Variants in AGBL1 observed in about 807,000 individuals in gnomAD.
AGBL1 encodes the protein AGBL carboxypeptidase 1.
In AGBL1, 130 loss-of-function variants were observed where a neutral mutation model predicts 118.9. That is an observed-to-expected ratio of 1.09 (90% CI 0.95 to 1.26). The LOEUF (loss-of-function observed/expected upper bound fraction) is 1.26. Among genes scored for constraint, AGBL1 ranks in the 50% most tolerant of loss-of-function variants. The probability of loss-of-function intolerance (pLI) is 0.00; values close to 1 mark genes in which losing one functional copy is unlikely to be tolerated. For missense variants in AGBL1, 1,584 were observed against 1,298.1 expected (o/e 1.22, Z -3.38); for synonymous variants, 555 against 478.9 (o/e 1.16, Z -2.08).
exon 24 of AGBL1, chr15:86,988,054 T>C: frequency 6.2e-7 from 1 of 1,613,426 alleles, no homozygotes; most frequent in Non-Finnish European, 8.5e-7. Context: ...CATTACAAAC[T>C]TTTTCAAGAT....
At chr15:87,000,405 T>C (rs1478973130) in intron 24 of AGBL1, among the ~76,000 whole-genome samples, 1 of 132,274 alleles carries the variant, frequency 7.6e-6, no homozygotes, top group Non-Finnish European at 1.6e-5. Flanking sequence ...GATTTTTGTA[T>C]AAGGTGTAAG....
intron 22 of AGBL1, among the ~76,000 whole-genome samples, chr15:86,860,713 AGTGTGTGTGTGT>A (rs3030214): frequency 2.0e-5 from 3 of 148,820 alleles, no homozygotes; most frequent in African/African-American, 7.4e-5. Context: ...TCTGTGAGTA[AGTGTGTGTGTGT>A]GTGTGTGTGT....
intron 22 of AGBL1, among the ~76,000 whole-genome samples, chr15:86,822,456 A>G (rs2078954620): frequency 6.6e-6 from 1 of 152,166 alleles, no homozygotes; most frequent in Non-Finnish European, 1.5e-5. Flanking sequence ...CTGCAGTGGC[A>G]TCACCATCTC....
At chr15:86,573,645 C>G (rs1222409919) in intron 21 of AGBL1, among the ~76,000 whole-genome samples, 1 of 152,172 alleles carries the variant, frequency 6.6e-6, no homozygotes, top group Non-Finnish European at 1.5e-5. Flanking sequence ...GGTATGCATC[C>G]TGCTGGATCT....
intron 18 of AGBL1, among the ~76,000 whole-genome samples, chr15:86,423,407 G>C (rs531624573): frequency 7.3e-5 from 11 of 151,326 alleles, no homozygotes; most frequent in Admixed American, 1.3e-4. Context: ...AATAAACTAG[G>C]TGCTGATGGA....
At chr15:86,464,636 G>T (rs572662420) in intron 18 of AGBL1, among the ~76,000 whole-genome samples, 5 of 152,156 alleles carry the variant, frequency 3.3e-5, no homozygotes, top group Non-Finnish European at 7.4e-5. Flanking sequence ...TTTATTGAGA[G>T]TTTTTAGCAT....
chr15:86,360,352 C>G (rs2080786266), intron 17 of AGBL1, among the ~76,000 whole-genome samples: 1 of 143,138 alleles, frequency 7.0e-6, no homozygotes, highest in African/African-American at 2.6e-5. Context: ...TGGTGTATCA[C>G]ATTGATTGAG....
At chr15:86,208,666 T>G (rs2078037663) in intron 5 of AGBL1, among the ~76,000 whole-genome samples, 1 of 152,178 alleles carries the variant, frequency 6.6e-6, no homozygotes, top group African/African-American at 2.4e-5. Flanking sequence ...GGTGGTGATA[T>G]CCCCTTTATC....
chr15:86,501,820 A>G (rs2082920220), intron 18 of AGBL1, among the ~76,000 whole-genome samples: 1 of 151,592 alleles, frequency 6.6e-6, no homozygotes, highest in Non-Finnish European at 1.5e-5. Flanking sequence ...TATCTTTATT[A>G]CAGTATCATA....
At chr15:86,772,531 T>G (rs1408226798) in intron 22 of AGBL1, among the ~76,000 whole-genome samples, 1 of 152,038 alleles carries the variant, frequency 6.6e-6, no homozygotes, top group Non-Finnish European at 1.5e-5. Flanking sequence ...AATCATCTGT[T>G]CCTTGGTGGT....
chr15:87,030,709 C>A (rs1462953280), downstream of AGBL1, among the ~76,000 whole-genome samples: 1 of 151,962 alleles, frequency 6.6e-6, no homozygotes, highest in African/African-American at 2.4e-5. Flanking sequence ...TATTGCCTTG[C>A]TAACTATATT....
At chr15:86,818,600 T>G (rs2078897889) in intron 22 of AGBL1, among the ~76,000 whole-genome samples, 1 of 152,008 alleles carries the variant, frequency 6.6e-6, no homozygotes, top group Admixed American at 6.6e-5. Context: ...TCTAGAGAAC[T>G]AATATGGGAG....
intron 18 of AGBL1, among the ~76,000 whole-genome samples, chr15:86,510,807 G>A (rs2083044601): frequency 6.6e-6 from 1 of 152,024 alleles, no homozygotes; most frequent in African/African-American, 2.4e-5. Context: ...ATTTAGAGTT[G>A]ACTGTCCAGA....
At chr15:86,680,995 G>T (rs765282840) in intron 22 of AGBL1, among the ~76,000 whole-genome samples, 10 of 151,854 alleles carry the variant, frequency 6.6e-5, no homozygotes, top group African/African-American at 4.8e-5. Flanking sequence ...TGTGTGTGTG[G>T]TTTAGTTCCT....
At chr15:86,461,250 C>G (rs185245573) in intron 18 of AGBL1, among the ~76,000 whole-genome samples, 5 of 152,238 alleles carry the variant, frequency 3.3e-5, no homozygotes, top group Admixed American at 2.0e-4. Context: ...AACCACTCTA[C>G]TAGTTTTTAG....
intron 19 of AGBL1, among the ~76,000 whole-genome samples, chr15:86,525,240 A>G (rs2083247769): frequency 6.6e-6 from 1 of 152,200 alleles, no homozygotes; most frequent in East Asian, 1.9e-4. Flanking sequence ...GATAAAAGAA[A>G]TCAGACATGA....
At chr15:86,412,994 A>T (rs903080954) in intron 18 of AGBL1, among the ~76,000 whole-genome samples, 1 of 152,226 alleles carries the variant, frequency 6.6e-6, no homozygotes, top group African/African-American at 2.4e-5. Context: ...GCCATTCAGA[A>T]CACAGATAGT....
At chr15:86,798,447 G>A (rs1336020198) in intron 22 of AGBL1, among the ~76,000 whole-genome samples, 3 of 151,978 alleles carry the variant, frequency 2.0e-5, no homozygotes, top group Admixed American at 2.0e-4. Context: ...TATGTTAAGA[G>A]TACCCTCAAT....
At chr15:86,686,442 G>GTA in intron 22 of AGBL1, among the ~76,000 whole-genome samples, 1 of 127,102 alleles carries the variant, frequency 7.9e-6, no homozygotes, top group South Asian at 2.6e-4. Context: ...CATATTCTAA[G>GTA]TTTTTTTTTT....
Sources: gnomAD v4.1 joint callset for allele counts (sites outside exome capture counted in the v4.1 genomes callset) on GRCh38, gnomAD v4.1.1 for gene constraint, MANE v1.5 for transcripts, NCBI Gene and HGNC (gene_info 2026-07-23, HGNC 2026-07-21) for gene names.